Variants in CEP43 observed in about 807,000 individuals in gnomAD.
The protein encoded by CEP43 is centrosomal protein 43.
CEP43 carries 36 observed loss-of-function variants against 52.6 expected under a neutral mutation model. The observed-to-expected ratio is 0.68, with a 90% CI of 0.52 to 0.90. The LOEUF (loss-of-function observed/expected upper bound fraction) is 0.90, where lower values mean the gene tolerates loss of function less well. CEP43 is among the 40% of genes least tolerant of loss of function. The pLI, the probability that CEP43 is intolerant of heterozygous loss-of-function variation, is 0.00. For missense variants in CEP43, 506 were observed against 472.8 expected (o/e 1.07, Z -0.65); for synonymous variants, 192 against 172.4 (o/e 1.11, Z -0.89).
At chr6:167,009,665 CAAAAAAAA>C (rs562641835) in intron 5 of CEP43, among the ~76,000 whole-genome samples, 2 of 66,634 alleles carry the variant, frequency 3.0e-5, no homozygotes, top group Non-Finnish European at 6.4e-5. Context: ...AACTCCGTCT[CAAAAAAAA>C]AAAAAAAAAA....
chr6:167,000,093 G>C lies in CEP43; in HGVS notation c.136G>C (p.Glu46Gln). 4 of 1,612,816 alleles carry C rather than the reference G, an allele frequency of 2.5e-6. No homozygotes were observed. The highest frequency in any genetic ancestry group is 3.4e-6 in the Non-Finnish European group (4 of 1,179,282). Residue 46 changes from glutamate to glutamine, a missense_variant, in exon 2 of 13, where the codon GAG (glutamate) becomes CAG (glutamine). By Grantham distance (29) the Glu-to-Gln change is conservative. Transcript: ENST00000366847. ...ELRAAVFLALEEQEKVENKTP... is the reference protein window; with the variant it reads ...ELRAAVFLALQEQEKVENKTP... ...CCGAGCAGCTGTGTTTTTAGCACTA[G>C]AGGAGCAAGAAAAAGTAGAGGTATG...
intron 1 of CEP43, 78 bp from the exon 2 acceptor site, chr6:166,999,982 T>C: frequency 7.7e-7 from 1 of 1,292,736 alleles, no homozygotes; most frequent in Non-Finnish European, 1.1e-6. Flanking sequence ...TTGCTCGTGT[T>C]TGTTGCTGGA....
rs1276404839 is a variant in CEP43, at chr6:167,046,709, G to C, written c.*6731G>C. 6.6e-6 allele frequency: 1 copy of C among 152,278 alleles called. No individual in the cohort carries two copies. Among genetic ancestry groups the C allele is most frequent in the Non-Finnish European group, 1.5e-5 (1 of 68,094 alleles). 9.4% of individuals were successfully genotyped at this position (152,278 alleles called of 1,614,324 possible). A position where few individuals can be genotyped will look rare whatever the true frequency, so the allele number is the denominator to read the frequency against. Reference sequence around the variant, plus strand: ...TGGGCATTCTCATGGCCTCTCCAGGGATGGCCTCCACTGTAGAGACCTATG... The same window carrying C: ...TGGGCATTCTCATGGCCTCTCCAGGCATGGCCTCCACTGTAGAGACCTATG... On this transcript the variant is annotated 3_prime_UTR_variant, in exon 13 of 13. Coordinates refer to ENST00000366847, the MANE Select transcript of CEP43 (RefSeq NM_007045.4).
intron 8 of CEP43, among the ~76,000 whole-genome samples, chr6:167,024,031 C>T (rs1342131188): frequency 6.6e-6 from 1 of 152,126 alleles, no homozygotes; most frequent in Non-Finnish European, 1.5e-5. Context: ...GAGAGCTGTT[C>T]AGCTTTAAAG....
intron 5 of CEP43, among the ~76,000 whole-genome samples, chr6:167,004,720 G>C (rs1360370842): frequency 8.1e-6 from 1 of 123,966 alleles, no homozygotes; most frequent in African/African-American, 3.0e-5. Flanking sequence ...TATGAAGTGG[G>C]CTCTACCAGG....
intron 7 of CEP43, among the ~76,000 whole-genome samples, chr6:167,018,633 G>A (rs1421541777): frequency 2.6e-5 from 4 of 152,038 alleles, no homozygotes; most frequent in South Asian, 2.1e-4. Context: ...CTCATGATCC[G>A]CCTGCCTCGG....
intron 11 of CEP43, among the ~76,000 whole-genome samples, chr6:167,033,220 C>T (rs1780512082): frequency 6.9e-6 from 1 of 145,924 alleles, no homozygotes; most frequent in Non-Finnish European, 1.5e-5. Context: ...AAGCCATTCT[C>T]CTGCCTCAGC....
chr6:167,017,790 A>G (rs1470579068), intron 7 of CEP43, among the ~76,000 whole-genome samples: 1 of 152,174 alleles, frequency 6.6e-6, no homozygotes, highest in Non-Finnish European at 1.5e-5. Flanking sequence ...ATAATTTCCC[A>G]TAGAGCTTAT....
At position 167,041,989 on chromosome 6, in the gene CEP43, A is replaced by G. The variant is rs1198003469; in HGVS notation, c.*2011A>G. 1 of 421,080 alleles carries G rather than the reference A, an allele frequency of 2.4e-6. No individual in the cohort carries two copies. The highest frequency in any genetic ancestry group is 3.2e-6 in the Non-Finnish European group (1 of 309,856). The allele number at this position is 421,080 out of a possible 1,614,324, so 26.1% of individuals were successfully genotyped here. Reference sequence around the variant, plus strand: ...CAGGTGCACACCACCACGCCCGGCTAATTTTTGTATTTTTAGTAGAGATGG... The same window carrying G: ...CAGGTGCACACCACCACGCCCGGCTGATTTTTGTATTTTTAGTAGAGATGG... On this transcript the variant is annotated 3_prime_UTR_variant, in exon 13 of 13. Transcript: ENST00000366847.
chr6:167,013,265 T>C (rs1385075124), intron 6 of CEP43, among the ~76,000 whole-genome samples: 2 of 152,218 alleles, frequency 1.3e-5, no homozygotes, highest in Non-Finnish European at 2.9e-5. Flanking sequence ...CAGTAGAAGC[T>C]GAGCAGGTGG....
chr6:167,028,415 G>C, intron 10 of CEP43: 1 of 985,150 alleles, frequency 1.0e-6, no homozygotes, highest in South Asian at 4.7e-5. Context: ...TAGTTATGCA[G>C]GTGAGAACTA....
intron 10 of CEP43, chr6:167,028,265 G>A: frequency 2.0e-6 from 2 of 985,370 alleles, no homozygotes; most frequent in Non-Finnish European, 2.4e-6. Context: ...TTCTGAGTGG[G>A]GAGCTGCCGA....
intron 10 of CEP43, among the ~76,000 whole-genome samples, chr6:167,031,728 T>C (rs1780475470): frequency 6.6e-6 from 1 of 152,182 alleles, no homozygotes; most frequent in East Asian, 1.9e-4. Flanking sequence ...AGGCCATCCA[T>C]TCACATTTTA....
At chr6:167,015,772 A>G (rs1198118158) in intron 7 of CEP43, among the ~76,000 whole-genome samples, 2 of 151,930 alleles carry the variant, frequency 1.3e-5, no homozygotes, top group East Asian at 1.9e-4. Context: ...ACTTAAAAAA[A>G]CATTCATATG....
At chr6:167,025,154 A>AT in intron 9 of CEP43, 1 of 265,838 alleles carries the variant, frequency 3.8e-6, no homozygotes, top group Non-Finnish European at 7.0e-6. Context: ...TTTTTAGCTG[A>AT]TTTTTATTAT....
chr6:167,018,166 C>T (rs2128662472), intron 7 of CEP43, among the ~76,000 whole-genome samples: 1 of 152,316 alleles, frequency 6.6e-6, no homozygotes, highest in Middle Eastern at 3.4e-3. Context: ...TTCCCCCCAG[C>T]AAGGATACCA....
intron 10 of CEP43, 115 bp from the exon 11 acceptor site, chr6:167,032,488 C>G: frequency 2.3e-6 from 2 of 869,544 alleles, no homozygotes; most frequent in Non-Finnish European, 3.3e-6. Context: ...TATTTCTAGT[C>G]TGGGACTTTT....
chr6:167,016,749 C>T (rs902688376), intron 7 of CEP43, among the ~76,000 whole-genome samples: 2 of 152,140 alleles, frequency 1.3e-5, no homozygotes, highest in African/African-American at 2.4e-5. Context: ...AATGTTCCCA[C>T]ACTTAGCCCT....
At chr6:167,002,269 T>C (rs1329389607) in intron 2 of CEP43, among the ~76,000 whole-genome samples, 1 of 152,128 alleles carries the variant, frequency 6.6e-6, no homozygotes, top group East Asian at 1.9e-4. Flanking sequence ...TTTTTTTTGG[T>C]CTGTTTCTTC....
Sources: gnomAD v4.1 joint callset for allele counts (sites outside exome capture counted in the v4.1 genomes callset) on GRCh38, gnomAD v4.1.1 for gene constraint, MANE v1.5 for transcripts, NCBI Gene and HGNC (gene_info 2026-07-23, HGNC 2026-07-21) for gene names.